Variants in PTPRC observed in about 807,000 individuals in gnomAD.
PTPRC encodes the protein receptor-type tyrosine-protein phosphatase C.
In PTPRC, 44 loss-of-function variants were observed where a neutral mutation model predicts 155.9. The observed-to-expected ratio is 0.28, with a 90% CI of 0.22 to 0.36. The LOEUF is 0.36. Among genes scored for constraint, PTPRC ranks in the 10% least tolerant of loss-of-function variants. The pLI is 1.00. For synonymous variants in PTPRC, 525 were observed against 533.1 expected, an observed-to-expected ratio of 0.98 and a Z score of 0.21; for missense variants, 1,401 against 1,564.6, an observed-to-expected ratio of 0.90 and a Z score of 1.76.
chr1:198,665,467 A>G (rs1430199854), intron 2 of PTPRC, among the ~76,000 whole-genome samples: 1 of 152,134 alleles, frequency 6.6e-6, no homozygotes, highest in Non-Finnish European at 1.5e-5. Flanking sequence ...CCAAGTGAGA[A>G]CAAGCAGATG....
At chr1:198,707,010 G>A in intron 9 of PTPRC, 58 bp downstream of exon 9, 1 of 1,407,226 alleles carries the variant, frequency 7.1e-7, no homozygotes, top group Non-Finnish European at 1.0e-6. Flanking sequence ...TTTTGTGTGT[G>A]GTGTTCTCCA....
At chr1:198,663,523 G>T (rs1328654113) in intron 2 of PTPRC, among the ~76,000 whole-genome samples, 2 of 152,198 alleles carry the variant, frequency 1.3e-5, no homozygotes, top group Non-Finnish European at 2.9e-5. Flanking sequence ...TCAGTTAGAA[G>T]CTTGGTCAAA....
Position 198,744,203 on chromosome 1 carries a change from G to C in PTPRC, c.2847G>C (p.Gln949His), listed in dbSNP as rs762292865. Residue 949 changes from glutamine (Q) to histidine (H), a missense_variant and splice_region_variant, in exon 26 of 33, where the codon CAG becomes CAC. Physicochemically the swap from Gln to His is conservative, Grantham distance 24. Around this residue, in one of 3 missense-constraint regions of PTPRC, gnomAD observed 134 missense variants for 204.7 expected, o/e 0.65. Coordinates refer to ENST00000442510, the MANE Select transcript of PTPRC (RefSeq NM_002838.5). Reference protein sequence around the residue: ...SEPSPLEAEFQRLPSYRSWRT... With the variant: ...SEPSPLEAEFHRLPSYRSWRT... ...CGTCTCCACTAGAGGCTGAATTCCA[G>C]GTAATGATAGTGACAACAATAATAA... The C allele has an allele frequency of 1.9e-6, 3 of 1,600,088 alleles. No individual in the cohort carries two copies. Among genetic ancestry groups the C allele is most frequent in the Non-Finnish European group, 2.6e-6 (3 of 1,168,850 alleles).
chr1:198,693,985 G>T (rs1666067314), intron 3 of PTPRC: 3 of 1,540,388 alleles, frequency 1.9e-6, no homozygotes, highest in Non-Finnish European at 2.6e-6. Flanking sequence ...TTATGTGATT[G>T]ACACACAATC....
chr1:198,670,645 A>AAAC (rs1664590435), intron 2 of PTPRC, among the ~76,000 whole-genome samples: 15 of 152,118 alleles, frequency 9.9e-5, no homozygotes, highest in Admixed American at 9.8e-4. Context: ...GATAAAAAAA[A>AAAC]TACCCACTTT....
At chr1:198,695,118 G>A (rs906250573) in intron 3 of PTPRC, 13 of 902,704 alleles carry the variant, frequency 1.4e-5, no homozygotes, top group Non-Finnish European at 1.7e-5. Flanking sequence ...TCTGTATTTA[G>A]TAAAAATTAA....
intron 2 of PTPRC, among the ~76,000 whole-genome samples, chr1:198,677,750 T>C (rs1665042446): frequency 6.6e-6 from 1 of 152,210 alleles, no homozygotes; most frequent in African/African-American, 2.4e-5. Flanking sequence ...GCCTCCTGCA[T>C]GTATTACTAT....
Position 198,755,924 on chromosome 1 carries a change from T to C in PTPRC, c.3664T>C (p.Tyr1222His). ...TTACTAGGAGCAATATCAATTCCTA[T>C]ATGACGTCATTGCCAGCACCTACCC... ...VSTFEQYQFL[Y>H]DVIASTYPAQ... is the part of the protein sequence containing the mutation. The change falls in exon 33 of 33, where the codon TAT becomes CAT. Residue 1222 changes from tyrosine (Y) to histidine (H), a missense_variant. Physicochemically the swap from Tyr to His is moderately conservative, Grantham distance 83. Around this residue, in one of 3 missense-constraint regions of PTPRC, gnomAD observed 400 missense variants for 389.5 expected, o/e 1.03. Coordinates refer to ENST00000442510, the MANE Select transcript of PTPRC (RefSeq NM_002838.5). The C allele has an allele frequency of 1.2e-6, 2 of 1,611,444 alleles. No homozygotes were observed. The highest frequency in any genetic ancestry group is 2.2e-5 in the South Asian group (2 of 90,974).
At chr1:198,705,381 C>T (rs1478142023) in intron 8 of PTPRC, among the ~76,000 whole-genome samples, 1 of 151,836 alleles carries the variant, frequency 6.6e-6, no homozygotes, top group East Asian at 1.9e-4. Flanking sequence ...TAATATGGAA[C>T]CACTTTCAGT....
intron 2 of PTPRC, among the ~76,000 whole-genome samples, chr1:198,666,759 T>A (rs113617859): frequency 0.011 from 1,652 of 152,320 alleles, 30 homozygotes; most frequent in African/African-American, 0.036. Context: ...TTTATTAAAA[T>A]AGATTCCTTT....
At chr1:198,667,502 G>A (rs1266596127) in intron 2 of PTPRC, among the ~76,000 whole-genome samples, 2 of 152,156 alleles carry the variant, frequency 1.3e-5, no homozygotes, top group Non-Finnish European at 2.9e-5. Flanking sequence ...AACTGGTCTG[G>A]CCAAGTGAGT....
chr1:198,711,713 A>T (rs1016115380), intron 11 of PTPRC, among the ~76,000 whole-genome samples: 8 of 152,304 alleles, frequency 5.3e-5, no homozygotes, highest in African/African-American at 1.2e-4. Flanking sequence ...ATCAAAATTA[A>T]TTTTTTCAAC....
chr1:198,741,423 T>C (rs2102513124), intron 23 of PTPRC, among the ~76,000 whole-genome samples: 1 of 151,986 alleles, frequency 6.6e-6, no homozygotes, highest in East Asian at 2.0e-4. Flanking sequence ...TTTGCTGGCC[T>C]ATCAAGCAGA....
rs369173366 is a variant in PTPRC, at chr1:198,722,492, G to T, written c.1720+16G>T. On this transcript the variant is annotated intron_variant, in intron 15 of 32. Transcript: ENST00000442510. ...TCAACATCTTGTAAGTTATCACTGG[G>T]CTATTTATTATATATATTAAGATAT... 1.5e-5 allele frequency: 21 copies of T among 1,386,374 alleles called. No individual in the cohort carries two copies. In the African/African-American group the frequency reaches 2.6e-4, roughly 17 times the overall value. The allele number at this position is 1,386,374 out of a possible 1,614,324, so 85.9% of individuals were successfully genotyped here.
At chr1:198,755,278 T>C (rs1455205736) in intron 32 of PTPRC, among the ~76,000 whole-genome samples, 1 of 152,114 alleles carries the variant, frequency 6.6e-6, no homozygotes, top group Non-Finnish European at 1.5e-5. Flanking sequence ...GTAGTAACTG[T>C]AGATGGTCAT....
Position 198,728,446 on chromosome 1 carries a change from C to G in PTPRC, c.1827C>G (p.Ser609=). The G allele has an allele frequency of 6.2e-7, 1 of 1,611,704 alleles. No homozygotes were observed. The highest frequency in any genetic ancestry group is 2.2e-5 in the East Asian group (1 of 44,690). Residue 609 remains serine (S), a splice_region_variant and synonymous_variant, in exon 16 of 33, where the codon TCC becomes TCG. Transcript: ENST00000442510. ...TCTATGATCTACATAAGAAAAGATC[C>G]TGGTAAGAGTTGATTTTAAATTTTT... ...YKIYDLHKKR[S]CNLDEQQELV...
intron 8 of PTPRC, among the ~76,000 whole-genome samples, chr1:198,705,107 A>G (rs963262140): frequency 2.0e-5 from 3 of 151,770 alleles, no homozygotes; most frequent in Non-Finnish European, 4.4e-5. Flanking sequence ...ATACTTGAAA[A>G]CAGTTTGTCT....
rs561829254 is a variant in PTPRC, at chr1:198,719,496, T to C, written c.1659+1194T>C. On this transcript the variant is annotated intron_variant, in intron 14 of 32. Coordinates refer to ENST00000442510, the MANE Select transcript of PTPRC (RefSeq NM_002838.5). The stretch of plus-strand genomic sequence containing the variant: ...TTTTATTTTTAAACAAATGTATCTG[T>C]CACTTTTATTCCTGTTAAATAGAAA... Among the ~76,000 whole-genome samples the C allele has an allele frequency of 2.6e-5, 4 of 152,330 alleles. 1 individual carries two copies. In the South Asian group the frequency reaches 8.3e-4, roughly 32 times the overall value.
At chr1:198,734,628 A>C (rs1228191724) in intron 22 of PTPRC, among the ~76,000 whole-genome samples, 1 of 151,770 alleles carries the variant, frequency 6.6e-6, no homozygotes, top group Non-Finnish European at 1.5e-5. Context: ...TATATGCATA[A>C]AATTTCAATG....
Sources: allele counts gnomAD v4.1 joint callset (sites outside exome capture counted in the v4.1 genomes callset), GRCh38; gene constraint gnomAD v4.1.1; regional missense constraint gnomAD v4.1.1; transcripts MANE v1.5; gene names NCBI Gene and HGNC (gene_info 2026-07-23, HGNC 2026-07-21).